The following MTHFD1L variants were observed in gnomAD, a reference collection of about 807,000 sequenced individuals.
MTHFD1L encodes monofunctional C1-tetrahydrofolate synthase, mitochondrial.
Under a neutral mutation model 119.5 loss-of-function variants are expected in MTHFD1L, and 81 were observed. The observed-to-expected ratio is 0.68, with a 90% CI of 0.57 to 0.82. The LOEUF (loss-of-function observed/expected upper bound fraction) is 0.82, where lower values mean the gene tolerates loss of function less well. Ranked by LOEUF, MTHFD1L falls within the 40% of genes least tolerant of loss-of-function variation. The pLI is 0.00. For missense variants in MTHFD1L, 1,125 were observed against 1,253.4 expected (o/e 0.90, Z 1.55); for synonymous variants, 430 against 475.2 (o/e 0.90, Z 1.24).
chr6:150,945,464 T>C lies in MTHFD1L; in HGVS notation c.1549-3T>C. ...TGGTCTCATTTTTGTTTTGTGTTTT[T>C]AGGCTCTGTATAATCGGCTGGTTCC... On this transcript the variant is annotated splice_polypyrimidine_tract_variant and splice_region_variant and intron_variant, in intron 14 of 27. Coordinates refer to ENST00000367321, the MANE Select transcript of MTHFD1L (RefSeq NM_015440.5). 1 of 1,611,350 alleles carries C rather than the reference T, an allele frequency of 6.2e-7. No homozygotes were observed. The highest frequency in any genetic ancestry group is 8.5e-7 in the Non-Finnish European group (1 of 1,179,316).
chr6:151,028,901 C>A (rs1784947596), intron 24 of MTHFD1L, among the ~76,000 whole-genome samples: 1 of 151,224 alleles, frequency 6.6e-6, no homozygotes, highest in African/African-American at 2.4e-5. Context: ...CATAGCAAGA[C>A]CCCCATCTCT....
chr6:151,007,844 T>G (rs1018790079), intron 20 of MTHFD1L, among the ~76,000 whole-genome samples: 2 of 152,238 alleles, frequency 1.3e-5, no homozygotes, highest in Admixed American at 6.5e-5. Context: ...AATCACAAGA[T>G]TTGTCCCAAA....
intron 26 of MTHFD1L, among the ~76,000 whole-genome samples, chr6:151,076,713 C>T (rs1297025390): frequency 1.3e-5 from 2 of 151,742 alleles, no homozygotes; most frequent in Non-Finnish European, 2.9e-5. Flanking sequence ...CAACTGGAAC[C>T]CTCATACACT....
chr6:150,966,873 C>T (rs1797286086), intron 19 of MTHFD1L, among the ~76,000 whole-genome samples: 1 of 152,056 alleles, frequency 6.6e-6, no homozygotes, highest in Non-Finnish European at 1.5e-5. Flanking sequence ...CTGAAGGTGC[C>T]CAGTGAGGAT....
chr6:150,866,423 G>A (rs1274274806), intron 1 of MTHFD1L: 1 of 1,354,190 alleles, frequency 7.4e-7, no homozygotes, highest in Non-Finnish European at 9.4e-7. Flanking sequence ...GAAACCAGGG[G>A]AGGGGGCGAG....
chr6:150,999,238 T>C (rs1780266955), intron 20 of MTHFD1L, among the ~76,000 whole-genome samples: 1 of 152,244 alleles, frequency 6.6e-6, no homozygotes, highest in South Asian at 2.1e-4. Flanking sequence ...TGTACTTCTT[T>C]CCCTTTTGGG....
intron 26 of MTHFD1L, chr6:151,088,014 T>TGCGGCCA (rs1793986016): frequency 6.6e-6 from 1 of 152,176 alleles, no homozygotes; most frequent in Non-Finnish European, 1.5e-5. Flanking sequence ...ACCCCAGGCG[T>TGCGGCCA]GCGGCCAGAG....
chr6:150,982,181 C>CTTTTTAAAAGGATAAATAATTTTTATCCT (rs1777602351), intron 20 of MTHFD1L, among the ~76,000 whole-genome samples: 3 of 151,662 alleles, frequency 2.0e-5, no homozygotes, highest in Admixed American at 1.3e-4. Flanking sequence ...AAAGAGAACA[C>CTTTTTAAAAGGATAAATAATTTTTATCCT]TTTTTAAAAG....
chr6:150,946,841 C>T (rs1349014734), intron 15 of MTHFD1L, among the ~76,000 whole-genome samples: 4 of 151,784 alleles, frequency 2.6e-5, no homozygotes, highest in Non-Finnish European at 5.9e-5. Flanking sequence ...TTTGGGAGGC[C>T]GAGGCAGGCA....
intron 26 of MTHFD1L, among the ~76,000 whole-genome samples, chr6:151,068,403 T>G (rs1007200501): frequency 1.1e-4 from 16 of 152,238 alleles, no homozygotes; most frequent in African/African-American, 3.9e-4. Context: ...CTTTTTGTTC[T>G]TGGACATAGT....
At chr6:150,934,837 T>A in intron 11 of MTHFD1L, 1 of 1,173,402 alleles carries the variant, frequency 8.5e-7, no homozygotes, top group Non-Finnish European at 1.2e-6. Flanking sequence ...TAGAAATGCC[T>A]GCCAATGCTT....
intron 9 of MTHFD1L, among the ~76,000 whole-genome samples, chr6:150,920,167 G>A (rs1322757869): frequency 6.6e-6 from 1 of 152,204 alleles, no homozygotes; most frequent in Admixed American, 6.5e-5. Context: ...CTAACCTCAT[G>A]TGCCGCCACT....
chr6:151,008,320 C>G (rs936930699), intron 20 of MTHFD1L, among the ~76,000 whole-genome samples: 1 of 152,200 alleles, frequency 6.6e-6, no homozygotes, highest in Non-Finnish European at 1.5e-5. Context: ...CAGTTCCGAT[C>G]GGTGTCCTGG....
chr6:151,068,457 T>C (rs558489313), intron 26 of MTHFD1L, among the ~76,000 whole-genome samples: 2 of 152,338 alleles, frequency 1.3e-5, no homozygotes, highest in South Asian at 4.1e-4. Flanking sequence ...CATTTCCTCA[T>C]AGCTCCAAGT....
intron 27 of MTHFD1L, among the ~76,000 whole-genome samples, chr6:151,098,777 A>T (rs1300743822): frequency 6.6e-6 from 1 of 152,234 alleles, no homozygotes; most frequent in Non-Finnish European, 1.5e-5. Context: ...AGCAATAAAC[A>T]ACAGATTCGT....
In MTHFD1L at chr6:150,906,168, G is replaced by C. The variant is rs185312352; in HGVS notation, c.892+407G>C. Among the ~76,000 whole-genome samples, 464 of 152,322 alleles carry C rather than the reference G, an allele frequency of 3.0e-3. 3 individuals are homozygous for C. Among genetic ancestry groups the C allele is most frequent in the East Asian group, 0.01 (53 of 5,186 alleles). Reference sequence around the variant, plus strand: ...GAGCGCCGGATTGTTGGGAGGGATGGGAATAGGATCAGCCTGTGTGTCTCC... The same window carrying C: ...GAGCGCCGGATTGTTGGGAGGGATGCGAATAGGATCAGCCTGTGTGTCTCC... On this transcript the variant is annotated intron_variant, in intron 8 of 27. Coordinates refer to ENST00000367321, the MANE Select transcript of MTHFD1L (RefSeq NM_015440.5).
intron 17 of MTHFD1L, among the ~76,000 whole-genome samples, chr6:150,957,659 C>T (rs1434817314): frequency 2.6e-5 from 4 of 152,064 alleles, no homozygotes; most frequent in African/African-American, 9.7e-5. Flanking sequence ...GCCATTTTGT[C>T]CCATGGGAGA....
At chr6:150,938,628 C>T in intron 12 of MTHFD1L, 71 bp from the exon 13 acceptor site, 2 of 1,532,938 alleles carry the variant, frequency 1.3e-6, no homozygotes, top group East Asian at 2.3e-5. Flanking sequence ...GAGCTGTGTC[C>T]CTTGGCCTGT....
chr6:150,964,066 G>A (rs1796846922), intron 18 of MTHFD1L, among the ~76,000 whole-genome samples: 1 of 152,202 alleles, frequency 6.6e-6, no homozygotes, highest in Non-Finnish European at 1.5e-5. Context: ...CTACTGGGGA[G>A]GCTGAGGCAG....
Sources: allele counts gnomAD v4.1 joint callset (sites outside exome capture counted in the v4.1 genomes callset), GRCh38; gene constraint gnomAD v4.1.1; transcripts MANE v1.5; gene names NCBI Gene and HGNC (gene_info 2026-07-23, HGNC 2026-07-21).